Variants in RHBDD1 observed in about 807,000 individuals in gnomAD.
RHBDD1 encodes rhomboid domain containing 1, also known as rhomboid-related protein 4.
RHBDD1 carries 38 observed loss-of-function variants against 36.3 expected under a neutral mutation model. The ratio of observed to expected loss-of-function variants is 1.05; its 90% CI spans 0.81 to 1.37. RHBDD1 has a LOEUF of 1.37. Among genes scored for constraint, RHBDD1 ranks in the 40% most tolerant of loss-of-function variants. The pLI is 0.00. For synonymous variants in RHBDD1, 151 were observed against 136.5 expected (o/e 1.11, Z -0.74); for missense variants, 393 against 377.6 (o/e 1.04, Z -0.34).
chr2:226,959,530 T>G (rs1439885477), intron 8 of RHBDD1, among the ~76,000 whole-genome samples: 1 of 152,210 alleles, frequency 6.6e-6, no homozygotes, highest in Non-Finnish European at 1.5e-5. Flanking sequence ...GTTGTCTGAG[T>G]TAATTTACTC....
intron 8 of RHBDD1, among the ~76,000 whole-genome samples, chr2:226,945,100 G>T (rs1448941588): frequency 6.6e-6 from 1 of 151,422 alleles, no homozygotes; most frequent in Admixed American, 6.6e-5. Flanking sequence ...TGTGTTTGAA[G>T]GTTTTGTGTT....
chr2:226,854,883 T>G (rs767608353), intron 3 of RHBDD1, among the ~76,000 whole-genome samples: 4 of 152,174 alleles, frequency 2.6e-5, no homozygotes, highest in Non-Finnish European at 5.9e-5. Flanking sequence ...TCAGGTGCTG[T>G]GTAAGTAGAC....
chr2:226,826,517 ATTTTTTTTT>A, the RHBDD1 span, among the ~76,000 whole-genome samples: 1 of 122,084 alleles, frequency 8.2e-6, no homozygotes, highest in Non-Finnish European at 1.6e-5. Flanking sequence ...ATCATGATAG[ATTTTTTTTT>A]TTTTTTTTTT....
rs184384189 is a variant in RHBDD1 at position 226,915,884 on chromosome 2, G to C, written c.856+1533G>C. 1.8e-4 allele frequency among the ~76,000 whole-genome samples: 28 copies of C among 152,298 alleles called. No individual in the cohort carries two copies. The East Asian group carries it at 2.9e-3, about 16-fold the overall frequency. ...ATTAAAACAGTAAACATTTGTTCTTGCTCATGAGTATGTGAAGCAGCTGGG... is the reference window on the plus strand; with the variant it reads ...ATTAAAACAGTAAACATTTGTTCTTCCTCATGAGTATGTGAAGCAGCTGGG... On this transcript the variant is annotated intron_variant, in intron 8 of 8. Transcript: ENST00000392062.
chr2:226,923,178 C>A (rs1949443904), intron 8 of RHBDD1, among the ~76,000 whole-genome samples: 1 of 152,184 alleles, frequency 6.6e-6, no homozygotes, highest in South Asian at 2.1e-4. Flanking sequence ...GATTGAAGAA[C>A]TCCCTTTAGC....
At chr2:226,851,755 G>A (rs774192540) in intron 3 of RHBDD1, among the ~76,000 whole-genome samples, 1 of 152,040 alleles carries the variant, frequency 6.6e-6, no homozygotes, top group Non-Finnish European at 1.5e-5. Flanking sequence ...TTTTGTTGTT[G>A]TTGCTATTGT....
chr2:226,989,235 C>G (rs1283910960), intron 8 of RHBDD1, among the ~76,000 whole-genome samples: 3 of 152,166 alleles, frequency 2.0e-5, no homozygotes, highest in African/African-American at 7.2e-5. Context: ...GGATAGAAAC[C>G]ACTTATAACA....
At chr2:226,853,863 A>G (rs1416036703) in intron 3 of RHBDD1, among the ~76,000 whole-genome samples, 3 of 152,192 alleles carry the variant, frequency 2.0e-5, no homozygotes, top group Non-Finnish European at 4.4e-5. Context: ...AGCTCCATGG[A>G]TGTACATCTC....
chr2:226,846,770 A>G (rs1216405247), intron 3 of RHBDD1, among the ~76,000 whole-genome samples: 5 of 151,744 alleles, frequency 3.3e-5, no homozygotes, highest in African/African-American at 1.2e-4. Flanking sequence ...AAAAAAGGAA[A>G]TGTAAGAGTA....
At chr2:226,965,465 G>T (rs558713687) in intron 8 of RHBDD1, among the ~76,000 whole-genome samples, 1 of 152,346 alleles carries the variant, frequency 6.6e-6, no homozygotes, top group African/African-American at 2.4e-5. Flanking sequence ...AGGCCAGTAG[G>T]AGTCCATTGC....
chr2:226,941,993 A>G (rs1169388429), intron 8 of RHBDD1, among the ~76,000 whole-genome samples: 1 of 152,194 alleles, frequency 6.6e-6, no homozygotes, highest in Non-Finnish European at 1.5e-5. Context: ...TTTCAGGGTC[A>G]CATTCTAAGT....
chr2:226,853,391 G>T (rs1412961975), intron 3 of RHBDD1, among the ~76,000 whole-genome samples: 1 of 152,210 alleles, frequency 6.6e-6, no homozygotes, highest in African/African-American at 2.4e-5. Context: ...GAGGCATCTG[G>T]TACATGCTGT....
At chr2:226,857,207 A>T (rs1943416631) in intron 3 of RHBDD1, among the ~76,000 whole-genome samples, 1 of 152,130 alleles carries the variant, frequency 6.6e-6, no homozygotes, top group South Asian at 2.1e-4. Context: ...TTTTCATAGT[A>T]TCATGAGTCG....
At chr2:226,873,589 ACT>A (rs1385556008) in intron 5 of RHBDD1, among the ~76,000 whole-genome samples, 1 of 152,122 alleles carries the variant, frequency 6.6e-6, no homozygotes, top group Non-Finnish European at 1.5e-5. Flanking sequence ...TGCAGTGATG[ACT>A]CTGGGGAAGG....
At chr2:226,807,346 A>C in the RHBDD1 span, 1 of 152,204 alleles carries the variant, frequency 6.6e-6, no homozygotes, top group East Asian at 1.9e-4. Context: ...TTCTTTTATA[A>C]AGAAGAAAAA....
chr2:226,923,117 A>G (rs995537401), intron 8 of RHBDD1, among the ~76,000 whole-genome samples: 6 of 152,154 alleles, frequency 3.9e-5, no homozygotes, highest in Non-Finnish European at 7.4e-5. Flanking sequence ...TTACCAGTGA[A>G]TTTGTACCTT....
the RHBDD1 span, among the ~76,000 whole-genome samples, chr2:226,801,270 G>A: frequency 6.6e-6 from 1 of 152,244 alleles, no homozygotes; most frequent in Non-Finnish European, 1.5e-5. Flanking sequence ...GTTTCCCGGG[G>A]AGGCCTGCTG....
rs1418896343 is a variant in RHBDD1 at position 226,997,384 on chromosome 2, A to G, written c.*1862A>G. 1 of 152,170 alleles carries G rather than the reference A, an allele frequency of 6.6e-6. No homozygotes were observed. The highest frequency in any genetic ancestry group is 1.5e-5 in the Non-Finnish European group (1 of 68,026). The allele number at this position is 152,170 out of a possible 1,614,324, so 9.4% of individuals were successfully genotyped here. A position where few individuals can be genotyped will look rare whatever the true frequency, so the allele number is the denominator to read the frequency against. ...TATAGCATTTGGTAATTCTGCTATAACACATCTTGCCCCTATTATTAACTG... is the reference window on the plus strand; with the variant it reads ...TATAGCATTTGGTAATTCTGCTATAGCACATCTTGCCCCTATTATTAACTG... On this transcript the variant is annotated 3_prime_UTR_variant, in exon 9 of 9. Coordinates refer to ENST00000392062, the MANE Select transcript of RHBDD1 (RefSeq NM_001167608.3).
chr2:226,955,871 C>T (rs1273954363), intron 8 of RHBDD1, among the ~76,000 whole-genome samples: 1 of 152,188 alleles, frequency 6.6e-6, no homozygotes, highest in East Asian at 1.9e-4. Context: ...TCTCCAAATA[C>T]AGTCACATTG....
Sources: allele counts gnomAD v4.1 joint callset (sites outside exome capture counted in the v4.1 genomes callset), GRCh38; gene constraint gnomAD v4.1.1; transcripts MANE v1.5; gene names NCBI Gene and HGNC (gene_info 2026-07-23, HGNC 2026-07-21).